The following CSMD1 variants were observed in gnomAD, a reference collection of about 807,000 sequenced individuals.
The protein encoded by CSMD1 is CUB and sushi domain-containing protein 1.
CSMD1 carries 213 observed loss-of-function variants against 417.5 expected under a neutral mutation model. That is an observed-to-expected ratio of 0.51 (90% CI 0.46 to 0.57). The LOEUF is 0.57. Among genes scored for constraint, CSMD1 ranks in the 20% least tolerant of loss-of-function variants. The pLI is 0.00. For synonymous variants in CSMD1, 2,862 were observed against 1,736.8 expected, an observed-to-expected ratio of 1.65 and a Z score of -16.11; for missense variants, 6,923 against 4,529.7, an observed-to-expected ratio of 1.53 and a Z score of -15.17.
chr8:4,143,873 T>A (rs1431451173), intron 3 of CSMD1, among the ~76,000 whole-genome samples: 2 of 151,080 alleles, frequency 1.3e-5, no homozygotes, highest in Non-Finnish European at 2.9e-5. Context: ...TTACCCCTTA[T>A]CTGGATGAAG....
intron 10 of CSMD1, among the ~76,000 whole-genome samples, chr8:3,545,794 A>T (rs1798633090): frequency 6.6e-6 from 1 of 152,246 alleles, no homozygotes; most frequent in Admixed American, 6.5e-5. Context: ...AAATAGTCAC[A>T]TTCTGTGAAA....
At chr8:3,465,227 CA>C (rs1481924128) in intron 12 of CSMD1, among the ~76,000 whole-genome samples, 1 of 152,156 alleles carries the variant, frequency 6.6e-6, no homozygotes, top group Non-Finnish European at 1.5e-5. Context: ...TCAGGGGATG[CA>C]CAGGCCCTGG....
In CSMD1 at chr8:4,702,679, A is replaced by G. The variant is rs182308156; in HGVS notation, c.86-65121T>C. 2.0e-5 allele frequency among the ~76,000 whole-genome samples: 3 copies of G among 152,266 alleles called. No homozygotes were observed. In the East Asian group the frequency reaches 5.8e-4, roughly 29 times the overall value. ...CCAAGAAACATTTTTAATAACCACTAATACAACCGTATTTCTATTGCTAAG... is the reference window on the plus strand; with the variant it reads ...CCAAGAAACATTTTTAATAACCACTGATACAACCGTATTTCTATTGCTAAG... On this transcript the variant is annotated intron_variant, in intron 1 of 69. Transcript: ENST00000635120.
intron 3 of CSMD1, among the ~76,000 whole-genome samples, chr8:4,186,212 A>G (rs1296018863): frequency 6.6e-6 from 1 of 152,132 alleles, no homozygotes; most frequent in Non-Finnish European, 1.5e-5. Context: ...GAACACTGGA[A>G]GCTCAGGACG....
chr8:4,367,821 T>C (rs1242749701), intron 3 of CSMD1, among the ~76,000 whole-genome samples: 1 of 152,168 alleles, frequency 6.6e-6, no homozygotes, highest in Non-Finnish European at 1.5e-5. Context: ...TTTGTGCTAT[T>C]TTTAAATAGG....
At chr8:3,854,421 CTGTT>C (rs1177492639) in intron 5 of CSMD1, among the ~76,000 whole-genome samples, 1 of 152,046 alleles carries the variant, frequency 6.6e-6, no homozygotes, top group African/African-American at 2.4e-5. Context: ...TTTAATGCTA[CTGTT>C]TAAGAATATC....
chr8:3,501,873 G>A (rs2117345663), intron 10 of CSMD1, among the ~76,000 whole-genome samples: 1 of 152,264 alleles, frequency 6.6e-6, no homozygotes, highest in Non-Finnish European at 1.5e-5. Flanking sequence ...TGTAATTAAT[G>A]ATAAGGAGAC....
intron 3 of CSMD1, among the ~76,000 whole-genome samples, chr8:4,368,363 T>C (rs1802210152): frequency 6.6e-6 from 1 of 152,324 alleles, no homozygotes; most frequent in Middle Eastern, 3.4e-3. Context: ...AATTAGCTTT[T>C]TCATCTGCTG....
rs529755233 is a variant in CSMD1, at chr8:4,394,621, T to C, written c.415+25332A>G. On this transcript the variant is annotated intron_variant, in intron 3 of 69. Coordinates refer to ENST00000635120, the MANE Select transcript of CSMD1 (RefSeq NM_033225.6). Reference sequence around the variant, plus strand: ...CTGCAGGAAGGTGAGATGTTGTCATTAGGGCTGGGAACTCCTGTGATAGTA... The same window carrying C: ...CTGCAGGAAGGTGAGATGTTGTCATCAGGGCTGGGAACTCCTGTGATAGTA... 1.2e-3 allele frequency among the ~76,000 whole-genome samples: 185 copies of C among 152,186 alleles called. 1 individual carries two copies. The highest frequency in any genetic ancestry group is 2.0e-3 in the Non-Finnish European group (137 of 68,016).
At chr8:4,800,758 G>A (rs935218057) in intron 1 of CSMD1, among the ~76,000 whole-genome samples, 28 of 152,286 alleles carry the variant, frequency 1.8e-4, no homozygotes, top group African/African-American at 6.5e-4. Context: ...TGGTGGGATG[G>A]GCTTTTGGGT....
intron 1 of CSMD1, among the ~76,000 whole-genome samples, chr8:4,821,707 G>C (rs756124308): frequency 1.1e-4 from 17 of 152,056 alleles, no homozygotes; most frequent in Non-Finnish European, 2.1e-4. Flanking sequence ...ATTCATTTTG[G>C]TTGAATTCCA....
chr8:4,883,662 C>G (rs532005971), intron 1 of CSMD1, among the ~76,000 whole-genome samples: 1 of 151,938 alleles, frequency 6.6e-6, no homozygotes, highest in Non-Finnish European at 1.5e-5. Context: ...GTACTTTATG[C>G]TTTTTATTGC....
At chr8:3,489,242 T>A (rs1321515643) in intron 11 of CSMD1, among the ~76,000 whole-genome samples, 1 of 152,146 alleles carries the variant, frequency 6.6e-6, no homozygotes, top group African/African-American at 2.4e-5. Context: ...AATGGATTAA[T>A]CCAGCCCTAA....
At chr8:4,158,525 G>T (rs941866058) in intron 3 of CSMD1, among the ~76,000 whole-genome samples, 2 of 152,098 alleles carry the variant, frequency 1.3e-5, no homozygotes, top group Non-Finnish European at 2.9e-5. Context: ...CAAAGAAACA[G>T]TAATATTAAC....
chr8:4,044,171 A>T (rs1183001669), intron 3 of CSMD1, among the ~76,000 whole-genome samples: 1 of 152,108 alleles, frequency 6.6e-6, no homozygotes, highest in East Asian at 1.9e-4. Flanking sequence ...GTTGGGGTGG[A>T]CTCATTCATT....
chr8:4,017,406 A>G (rs944841345), intron 4 of CSMD1, among the ~76,000 whole-genome samples: 2 of 152,082 alleles, frequency 1.3e-5, no homozygotes, highest in African/African-American at 2.4e-5. Context: ...CCCGGGTTCA[A>G]TCGATTCTCC....
rs78195688 is a variant in CSMD1 at position 4,035,634 on chromosome 8, T to C, written c.416-3535A>G. Among the ~76,000 whole-genome samples, 102 of 152,312 alleles carry C rather than the reference T, an allele frequency of 6.7e-4. 3 individuals are homozygous for C. In the East Asian group the frequency reaches 0.014, roughly 21 times the overall value. On this transcript the variant is annotated intron_variant, in intron 3 of 69. Coordinates refer to ENST00000635120, the MANE Select transcript of CSMD1 (RefSeq NM_033225.6). ...TAAAAAGTAAGAACATATAAAGAAATTTTAAATAGACAAACTCTTATGAAT... is the reference window on the plus strand; with the variant it reads ...TAAAAAGTAAGAACATATAAAGAAACTTTAAATAGACAAACTCTTATGAAT...
intron 1 of CSMD1, among the ~76,000 whole-genome samples, chr8:4,932,384 TACAG>T (rs1433175621): frequency 3.9e-5 from 6 of 152,088 alleles, no homozygotes; most frequent in East Asian, 3.9e-4. Context: ...CTAGAATATC[TACAG>T]ACAGAGTTTG....
chr8:4,898,862 G>C (rs1311459531), intron 1 of CSMD1, among the ~76,000 whole-genome samples: 1 of 152,046 alleles, frequency 6.6e-6, no homozygotes, highest in Non-Finnish European at 1.5e-5. Context: ...TGGTTTATTT[G>C]TCTAAGTTTT....
Sources: gnomAD v4.1 joint callset for allele counts (sites outside exome capture counted in the v4.1 genomes callset) on GRCh38, gnomAD v4.1.1 for gene constraint, MANE v1.5 for transcripts, NCBI Gene and HGNC (gene_info 2026-07-23, HGNC 2026-07-21) for gene names.